The following EP300 variants were observed in gnomAD, a reference collection of about 807,000 sequenced individuals.
EP300 encodes the protein histone acetyltransferase p300.
EP300 carries 31 observed loss-of-function variants against 264.0 expected under a neutral mutation model. The observed-to-expected ratio is 0.12, with a 90% CI of 0.09 to 0.16. EP300 has a LOEUF of 0.16. Among genes scored for constraint, EP300 ranks in the 10% least tolerant of loss-of-function variants. EP300 has a pLI of 1.00. For synonymous variants in EP300, 1,340 were observed against 1,045.4 expected (o/e 1.28, Z -5.44); for missense variants, 2,766 against 3,052.9 (o/e 0.91, Z 2.21).
intron 29 of EP300, 112 bp from the exon 30 acceptor site, chr22:41,176,135 G>GCT (rs1336407107): frequency 1.4e-5 from 18 of 1,255,572 alleles, no homozygotes; most frequent in Non-Finnish European, 2.0e-5. Flanking sequence ...TGGGATAATT[G>GCT]CTTGAGCCCA....
intron 16 of EP300, among the ~76,000 whole-genome samples, chr22:41,152,707 G>A (rs1237549380): frequency 6.6e-6 from 1 of 151,950 alleles, no homozygotes; most frequent in African/African-American, 2.4e-5. Context: ...TTCACCTGCT[G>A]TGTGCTAAGT....
In EP300 at chr22:41,140,060, T is replaced by C. The variant is rs17002305; in HGVS notation, c.1761-80T>C. 2.4e-3 allele frequency: 2,323 copies of C among 948,508 alleles called. 55 individuals carry two copies. The East Asian group carries it at 0.052, about 21-fold the overall frequency. 58.8% of individuals were successfully genotyped at this position (948,508 alleles called of 1,614,324 possible). ...TGCCATTATTTTTTCTTTTCCTCTA[T>C]GTGTTCAGTGTATAAAAATCAGAAA... On this transcript the variant is annotated intron_variant, in intron 8 of 30. Coordinates refer to ENST00000263253, the MANE Select transcript of EP300 (RefSeq NM_001429.4).
At chr22:41,148,177 C>G (rs189067850) in intron 12 of EP300, among the ~76,000 whole-genome samples, 1 of 152,312 alleles carries the variant, frequency 6.6e-6, no homozygotes, top group East Asian at 1.9e-4. Context: ...TTCACGGTCA[C>G]TTCTCTTCCC....
intron 10 of EP300, among the ~76,000 whole-genome samples, chr22:41,142,663 A>T (rs2058989554): frequency 6.6e-6 from 1 of 152,092 alleles, no homozygotes; most frequent in African/African-American, 2.4e-5. Flanking sequence ...AGGCGGGTAG[A>T]TCATGACGTC....
At chr22:41,116,418 A>G (rs1186163842) in intron 1 of EP300, among the ~76,000 whole-genome samples, 2 of 152,034 alleles carry the variant, frequency 1.3e-5, no homozygotes, top group South Asian at 2.1e-4. Flanking sequence ...CTCTGTGTCC[A>G]TGTGTTCGTA....
chr22:41,094,534 T>C (rs2058691589), intron 1 of EP300, among the ~76,000 whole-genome samples: 1 of 152,252 alleles, frequency 6.6e-6, no homozygotes, highest in Admixed American at 6.5e-5. Context: ...GATCTGTACC[T>C]ATTCTATGAA....
rs1357695270 is a variant in EP300, at chr22:41,157,491, C to CT, written c.3501+84dup. The CT allele has an allele frequency of 3.8e-6, 5 of 1,300,268 alleles. No individual in the cohort carries two copies. The African/African-American group carries it at 6.0e-5, about 16-fold the overall frequency. The allele number at this position is 1,300,268 out of a possible 1,614,324, so 80.5% of individuals were successfully genotyped here. On this transcript the variant is annotated intron_variant, in intron 18 of 30. Transcript: ENST00000263253. The stretch of plus-strand genomic sequence containing the variant: ...GTGGTGACTGGGATAAGAGAATATC[C>CT]TGCTTCTGGCTTTGACATGGCTTTT...
rs1048389254 is a variant in EP300 at position 41,109,279 on chromosome 22, C to T, written c.95-7908C>T. ...AAAAAAAAAAAAAAACAAAAAAAAACGGAAAACATAAGACAGCAATCAAAT... is the reference window on the plus strand; with the variant it reads ...AAAAAAAAAAAAAAACAAAAAAAAATGGAAAACATAAGACAGCAATCAAAT... On this transcript the variant is annotated intron_variant, in intron 1 of 30. Transcript: ENST00000263253. 4.9e-5 allele frequency among the ~76,000 whole-genome samples: 7 copies of T among 143,520 alleles called. No homozygotes were observed. The East Asian group carries it at 1.2e-3, about 25-fold the overall frequency. 94.2% of individuals were successfully genotyped at this position (143,520 alleles called of 152,430 possible).
chr22:41,177,545 T>C lies in EP300; in HGVS notation c.5834T>C (p.Val1945Ala), dbSNP rs745900576. The change falls in exon 31 of 31, where the codon GTG (valine) becomes GCG (alanine). Residue 1945 changes from valine (V) to alanine (A), a missense_variant. Transcript: ENST00000263253. ...GAGACGCAGCGCCAGATGGCCCACG[T>C]GCAAATTTTTCAAAGGCCAATCCAA... is the stretch of plus-strand genomic sequence containing the variant. Reference protein sequence around the residue: ...AAETQRQMAHVQIFQRPIQHQ... With the variant: ...AAETQRQMAHAQIFQRPIQHQ... 1 of 1,614,050 alleles carries C rather than the reference T, an allele frequency of 6.2e-7. No individual in the cohort carries two copies. The highest frequency in any genetic ancestry group is 1.1e-5 in the South Asian group (1 of 91,080).
intron 1 of EP300, among the ~76,000 whole-genome samples, chr22:41,093,365 A>G (rs2058684879): frequency 1.3e-5 from 2 of 152,132 alleles, no homozygotes; most frequent in South Asian, 4.1e-4. Flanking sequence ...AATGGCCTGT[A>G]TTGTTGCTCT....
In EP300 at chr22:41,177,076, T is replaced by G; in HGVS notation, c.5365T>G (p.Cys1789Gly). The G allele has an allele frequency of 6.2e-7, 1 of 1,614,162 alleles. No homozygotes were observed. The highest frequency in any genetic ancestry group is 8.5e-7 in the Non-Finnish European group (1 of 1,180,026). ...CPICKQLIALCCYHAKHCQEN... is the reference protein window; with the variant it reads ...CPICKQLIALGCYHAKHCQEN... ...CATCTGCAAGCAGCTCATTGCCCTC[T>G]GCTGCTACCATGCCAAGCACTGCCA... The change falls in exon 31 of 31, where the codon TGC becomes GGC. Residue 1789 changes from cysteine (C) to glycine (G), a missense_variant. By Grantham distance (159) the Cys-to-Gly change is radical. Coordinates refer to ENST00000263253, the MANE Select transcript of EP300 (RefSeq NM_001429.4).
chr22:41,136,986 G>C (rs530715998), intron 7 of EP300, among the ~76,000 whole-genome samples: 1 of 151,992 alleles, frequency 6.6e-6, no homozygotes, highest in Non-Finnish European at 1.5e-5. Flanking sequence ...CTTGAACCCC[G>C]GAGGCAGAGG....
chr22:41,117,805 G>A lies in EP300; in HGVS notation c.713G>A (p.Gly238Asp), dbSNP rs761125378. 3.8e-5 allele frequency: 62 copies of A among 1,613,964 alleles called. No homozygotes were observed. The highest frequency in any genetic ancestry group is 4.8e-5 in the Non-Finnish European group (57 of 1,180,052). Reference protein sequence around the residue: ...PQMGGQTGLRGPQPLKMGMMN... With the variant: ...PQMGGQTGLRDPQPLKMGMMN... ...ATGGGAGGACAAACAGGATTGAGAG[G>A]CCCCCAGCCTCTTAAGGTAAGTACA... Residue 238 changes from glycine (G) to aspartate (D), a missense_variant, in exon 2 of 31, where the codon GGC becomes GAC. Coordinates refer to ENST00000263253, the MANE Select transcript of EP300 (RefSeq NM_001429.4).
In EP300 at chr22:41,173,619, G is replaced by A; in HGVS notation, c.4618-4G>A. ...TTTCTTGTCTCCTTTGTGCTACTCT[G>A]CAGGTGACCAAGGGAGACAGCAAAA... On this transcript the variant is annotated splice_polypyrimidine_tract_variant and splice_region_variant and intron_variant, in intron 28 of 30. Coordinates refer to ENST00000263253, the MANE Select transcript of EP300 (RefSeq NM_001429.4). 6.2e-7 allele frequency: 1 copy of A among 1,614,034 alleles called. No individual in the cohort carries two copies. The highest frequency in any genetic ancestry group is 1.1e-5 in the South Asian group (1 of 91,068).
At chr22:41,170,909 C>T (rs1378517111) in intron 27 of EP300, among the ~76,000 whole-genome samples, 2 of 150,614 alleles carry the variant, frequency 1.3e-5, no homozygotes, top group African/African-American at 4.9e-5. Flanking sequence ...GTGATCCGCC[C>T]GCCTTGGCCT....
chr22:41,133,003 T>G (rs937352897), intron 6 of EP300, among the ~76,000 whole-genome samples: 1 of 152,228 alleles, frequency 6.6e-6, no homozygotes, highest in African/African-American at 2.4e-5. Context: ...ATCTAAGCTA[T>G]TTTGTTTGAG....
chr22:41,140,948 T>TA (rs1171972114), intron 9 of EP300, 100 bp from the exon 10 acceptor site: 4 of 1,174,666 alleles, frequency 3.4e-6, no homozygotes, highest in Non-Finnish European at 4.9e-6. Flanking sequence ...ATGCAGCATA[T>TA]AAAATGAAAC....
Position 41,149,976 on chromosome 22 carries a change from A to C in EP300, c.2595A>C (p.Thr865=), listed in dbSNP as rs1412627278. 6.2e-7 allele frequency: 1 copy of C among 1,612,102 alleles called. No individual in the cohort carries two copies. Among genetic ancestry groups the C allele is most frequent in the African/African-American group, 1.3e-5 (1 of 74,126 alleles). ...PATTIPAPVP[T]PPAMPPGPQS... is the part of the protein sequence containing the mutation. ...CAACAATTCCAGCCCCTGTTCCTAC[A>C]CCTCCTGCCATGCCACCTGGGCCAC... is the stretch of plus-strand genomic sequence containing the variant. The change falls in exon 14 of 31, where the codon ACA becomes ACC. Residue 865 remains threonine, a synonymous_variant. Coordinates refer to ENST00000263253, the MANE Select transcript of EP300 (RefSeq NM_001429.4).
At chr22:41,171,002 C>T (rs1258141661) in intron 27 of EP300, among the ~76,000 whole-genome samples, 3 of 146,558 alleles carry the variant, frequency 2.0e-5, no homozygotes, top group South Asian at 2.2e-4. Context: ...GCTTGTTCTA[C>T]CTCTTGCATG....
Sources: gnomAD v4.1 joint callset for allele counts (sites outside exome capture counted in the v4.1 genomes callset) on GRCh38, gnomAD v4.1.1 for gene constraint, MANE v1.5 for transcripts, NCBI Gene and HGNC (gene_info 2026-07-23, HGNC 2026-07-21) for gene names.